HS1BP3: variants seen among roughly 807,000 people sequenced by gnomAD.
The protein encoded by HS1BP3 is HCLS1 binding protein 3.
HS1BP3 carries 32 observed loss-of-function variants against 33.5 expected under a neutral mutation model. The ratio of observed to expected loss-of-function variants is 0.95; its 90% CI spans 0.72 to 1.28. HS1BP3 has a LOEUF of 1.28. Ranked by LOEUF, HS1BP3 falls within the 50% of genes most tolerant of loss-of-function variation. The probability of loss-of-function intolerance (pLI) is 0.00; values close to 1 mark genes in which losing one functional copy is unlikely to be tolerated. For missense variants in HS1BP3, 486 were observed against 502.3 expected, an observed-to-expected ratio of 0.97 and a Z score of 0.31; for synonymous variants, 187 against 209.2, an observed-to-expected ratio of 0.89 and a Z score of 0.92.
intron 5 of HS1BP3, among the ~76,000 whole-genome samples, chr2:20,573,925 G>A (rs1693337965): frequency 6.6e-6 from 1 of 152,196 alleles, no homozygotes; most frequent in Non-Finnish European, 1.5e-5. Context: ...GGTGACTGCA[G>A]CAGTGTTTTC....
chr2:20,559,897 C>T (rs1407884398), downstream of HS1BP3, among the ~76,000 whole-genome samples: 1 of 152,222 alleles, frequency 6.6e-6, no homozygotes, highest in African/African-American at 2.4e-5. Context: ...GATTTTTATG[C>T]TGTGAATAAG....
At chr2:20,553,900 C>T in the HS1BP3 span, among the ~76,000 whole-genome samples, 1 of 152,196 alleles carries the variant, frequency 6.6e-6, no homozygotes, top group African/African-American at 2.4e-5. Flanking sequence ...AGCTAGCAAA[C>T]TGATGTGCTG....
chr2:20,586,341 T>C (rs1264316752), intron 5 of HS1BP3: 2 of 152,254 alleles, frequency 1.3e-5, no homozygotes, highest in Non-Finnish European at 2.9e-5. Flanking sequence ...GGGCTGTTTC[T>C]GAAGCTCAGG....
At chr2:20,570,344 G>A (rs967392006) in intron 5 of HS1BP3, among the ~76,000 whole-genome samples, 8 of 152,102 alleles carry the variant, frequency 5.3e-5, no homozygotes, top group African/African-American at 1.4e-4. Context: ...TCAAATGATC[G>A]CCGTCAGGTT....
intron 6 of HS1BP3, among the ~76,000 whole-genome samples, chr2:20,619,875 G>A (rs991830417): frequency 4.6e-5 from 7 of 152,170 alleles, no homozygotes; most frequent in African/African-American, 1.7e-4. Flanking sequence ...GGCTTGGCCC[G>A]CCCACAGTGC....
At chr2:20,605,800 A>G (rs1285127664) in intron 2 of HS1BP3, among the ~76,000 whole-genome samples, 2 of 152,216 alleles carry the variant, frequency 1.3e-5, no homozygotes, top group Non-Finnish European at 2.9e-5. Context: ...TTATGACTCA[A>G]TAATATTCTG....
At chr2:20,601,831 T>G (rs1228023975) in intron 2 of HS1BP3, among the ~76,000 whole-genome samples, 1 of 125,046 alleles carries the variant, frequency 8.0e-6, no homozygotes, top group East Asian at 2.6e-4. Flanking sequence ...CAGGCTGGAG[T>G]GCAGTGGCGT....
At chr2:20,566,071 C>T (rs1693119827) in intron 5 of HS1BP3, among the ~76,000 whole-genome samples, 1 of 152,220 alleles carries the variant, frequency 6.6e-6, no homozygotes, top group Non-Finnish European at 1.5e-5. Context: ...CCCACCCTGC[C>T]CCTCTAGGAA....
Position 20,618,868 on chromosome 2 carries a change from G to C in HS1BP3, c.*119C>G. The stretch of plus-strand genomic sequence containing the variant: ...TGCAGTTCTGGGTGCTGTGACCCAG[G>C]CTTCTGCCTGGCCTCCCCTGGGGGT... On this transcript the variant is annotated 3_prime_UTR_variant, in exon 7 of 7. Coordinates refer to ENST00000304031, the MANE Select transcript of HS1BP3 (RefSeq NM_022460.4). 2 of 1,450,412 alleles carry C rather than the reference G, an allele frequency of 1.4e-6. No homozygotes were observed. Among genetic ancestry groups the C allele is most frequent in the Non-Finnish European group, 1.8e-6 (2 of 1,104,508 alleles). The allele number at this position is 1,450,412 out of a possible 1,614,324, so 89.8% of individuals were successfully genotyped here. A position where few individuals can be genotyped will look rare whatever the true frequency, so the allele number is the denominator to read the frequency against.
intron 1 of HS1BP3, among the ~76,000 whole-genome samples, chr2:20,645,892 A>G (rs1189921720): frequency 6.6e-6 from 1 of 152,198 alleles, no homozygotes; most frequent in Non-Finnish European, 1.5e-5. Context: ...AGGGATTGAA[A>G]TCCCAGCTGG....
downstream of HS1BP3, among the ~76,000 whole-genome samples, chr2:20,558,594 G>A (rs1192340763): frequency 6.6e-6 from 1 of 152,208 alleles, no homozygotes; most frequent in Non-Finnish European, 1.5e-5. Flanking sequence ...GGCACGAAGA[G>A]GGTGGGATGG....
chr2:20,631,054 A>G (rs1443710911), intron 4 of HS1BP3, among the ~76,000 whole-genome samples: 1 of 152,182 alleles, frequency 6.6e-6, no homozygotes. Flanking sequence ...GTCAAAGGGA[A>G]GAAGGAGGCA....
At chr2:20,559,692 A>G (rs879802475), downstream of HS1BP3, among the ~76,000 whole-genome samples, 8 of 133,456 alleles carry the variant, frequency 6.0e-5, no homozygotes, top group Admixed American at 3.8e-4. Flanking sequence ...GGATGGGTAG[A>G]TGGACGGGTG....
At chr2:20,608,546 C>G (rs1174550270) in intron 2 of HS1BP3, among the ~76,000 whole-genome samples, 1 of 142,720 alleles carries the variant, frequency 7.0e-6, no homozygotes, top group South Asian at 2.2e-4. Flanking sequence ...TGCACCCCAG[C>G]CCGGGCAACA....
downstream of HS1BP3, among the ~76,000 whole-genome samples, chr2:20,616,601 C>T (rs1240073820): frequency 6.6e-6 from 1 of 152,152 alleles, no homozygotes; most frequent in Non-Finnish European, 1.5e-5. Context: ...GTTACTGGCC[C>T]GATGACCACA....
chr2:20,555,964 C>G (rs1020556838), downstream of HS1BP3, among the ~76,000 whole-genome samples: 2 of 152,126 alleles, frequency 1.3e-5, no homozygotes, highest in Non-Finnish European at 2.9e-5. Context: ...TAAGACTTCA[C>G]AATATATTGA....
rs1693998930 is a variant in HS1BP3 at position 20,598,578 on chromosome 2, A to T, written c.179-313T>A. Among the ~76,000 whole-genome samples the T allele has an allele frequency of 7.7e-5, 6 of 78,144 alleles. No individual in the cohort carries two copies. In the East Asian group the frequency reaches 1.3e-3, roughly 17 times the overall value. The allele number at this position is 78,144 out of a possible 152,430, so 51.3% of individuals were successfully genotyped here. ...TTTTTTTTTTTTTTTTTTTTTTTTG[A>T]GACGGAGTCTCGCTCTGTCGCCCAG... On this transcript the variant is annotated intron_variant, in intron 2 of 3. Coordinates refer to the HS1BP3 transcript ENST00000415264.
At chr2:20,577,071 G>A (rs550453082) in intron 5 of HS1BP3, among the ~76,000 whole-genome samples, 27 of 152,312 alleles carry the variant, frequency 1.8e-4, no homozygotes, top group Non-Finnish European at 3.5e-4. Flanking sequence ...GGGAATTGCC[G>A]TTTGAGTTGG....
At chr2:20,571,871 C>T (rs1398064722) in intron 5 of HS1BP3, among the ~76,000 whole-genome samples, 3 of 152,232 alleles carry the variant, frequency 2.0e-5, no homozygotes, top group African/African-American at 7.2e-5. Context: ...ATGCAGGCCA[C>T]TCAGGTGACA....
Sources: allele counts gnomAD v4.1 joint callset (sites outside exome capture counted in the v4.1 genomes callset), GRCh38; gene constraint gnomAD v4.1.1; transcripts MANE v1.5; gene names NCBI Gene and HGNC (gene_info 2026-07-23, HGNC 2026-07-21).